MUC3A: variants seen among roughly 807,000 people sequenced by gnomAD.
MUC3A encodes mucin 3A, cell surface associated, also known as mucin-3A.
A neutral mutation model predicts 109.0 loss-of-function variants in MUC3A; 109 were observed. The observed-to-expected ratio is 1.00, with a 90% CI of 0.86 to 1.17. MUC3A has a LOEUF of 1.17. Ranked by LOEUF, MUC3A falls within the 50% of genes most tolerant of loss-of-function variation. The pLI is 0.00. For synonymous variants in MUC3A, 1,398 were observed against 981.4 expected (o/e 1.42, Z -7.93); for missense variants, 3,537 against 2,469.4 (o/e 1.43, Z -9.16).
intron 6 of MUC3A, 37 bp downstream of exon 6, chr7:100,964,880 G>A (rs1330007679): frequency 1.9e-6 from 3 of 1,572,986 alleles, no homozygotes; most frequent in East Asian, 2.3e-5. Context: ...AGGGCCTGAG[G>A]TGTCACCCCA....
intron 5 of MUC3A, 72 bp from the exon 6 acceptor site, chr7:100,964,623 C>A (rs1792458925): frequency 2.0e-6 from 3 of 1,535,818 alleles, no homozygotes; most frequent in Non-Finnish European, 2.6e-6. Flanking sequence ...CTTTGGGTTG[C>A]TTCTGGAGGT....
chr7:100,960,148 A>G lies in MUC3A; in HGVS notation c.8369A>G (p.Asp2790Gly). The G allele has an allele frequency of 6.4e-7, 1 of 1,557,550 alleles. No homozygotes were observed. The highest frequency in any genetic ancestry group is 8.6e-7 in the Non-Finnish European group (1 of 1,157,802). The change falls in exon 2 of 12, where the codon GAT becomes GGT. Residue 2790 changes from aspartate (D) to glycine (G), a missense_variant. Coordinates refer to ENST00000379458, the MANE Select transcript of MUC3A (RefSeq NM_005960.2). ...ASPTDPCVEM[D>G]PSTEATSPPT... Reference sequence around the variant, plus strand: ...CCCACTGATCCATGTGTTGAAATGGATCCCAGCACTGAAGCTACTTCTCCT... The same window carrying G: ...CCCACTGATCCATGTGTTGAAATGGGTCCCAGCACTGAAGCTACTTCTCCT...
In MUC3A at chr7:100,960,249, A is replaced by G. The variant is rs1489026965; in HGVS notation, c.8470A>G (p.Thr2824Ala). Residue 2824 changes from threonine (T) to alanine (A), a missense_variant, in exon 2 of 12, where the codon ACT becomes GCT. By Grantham distance (58) the Thr-to-Ala change is moderately conservative. Coordinates refer to ENST00000379458, the MANE Select transcript of MUC3A (RefSeq NM_005960.2). ...TCPTSISIQTTLTTYMDTSSM... is the reference protein window; with the variant it reads ...TCPTSISIQTALTTYMDTSSM... ...TCCTACCTCCATCAGTATCCAAACT[A>G]CTCTTACTACATATATGGACACTTC... is the stretch of plus-strand genomic sequence containing the variant. 6.3e-7 allele frequency: 1 copy of G among 1,598,376 alleles called. No individual in the cohort carries two copies. The highest frequency in any genetic ancestry group is 8.5e-7 in the Non-Finnish European group (1 of 1,179,790).
rs1246728171 is a variant in MUC3A, at chr7:100,953,550, G to A, written c.1771G>A (p.Ala591Thr). 2.5e-5 allele frequency: 11 copies of A among 440,512 alleles called. No individual in the cohort carries two copies. The East Asian group carries it at 3.8e-4, about 15-fold the overall frequency. 27.3% of individuals were successfully genotyped at this position (440,512 alleles called of 1,614,324 possible). A position where few individuals can be genotyped will look rare whatever the true frequency, so the allele number is the denominator to read the frequency against. ...AACTATGGAACCACCTTCAACCACT[G>A]CAGCAACTACAGGAACAGGTCAGAC... ...STTMEPPSTT[A>T]ATTGTGQTTF... Residue 591 changes from alanine (A) to threonine (T), a missense_variant, in exon 2 of 12, where the codon GCA becomes ACA. Transcript: ENST00000379458.
intron 1 of MUC3A, 25 bp from the exon 2 acceptor site, chr7:100,951,816 T>C (rs1791950891): frequency 6.3e-7 from 1 of 1,590,196 alleles, no homozygotes. Flanking sequence ...TACCAGTGGA[T>C]TCCTCTGCTC....
rs1584803244 is a variant in MUC3A, at chr7:100,958,187, C to T, written c.6408C>T (p.Asn2136=). 22 of 611,106 alleles carry T rather than the reference C, an allele frequency of 3.6e-5. No individual in the cohort carries two copies. The African/African-American group carries it at 3.7e-4, about 10-fold the overall frequency. The allele number at this position is 611,106 out of a possible 1,614,324, so 37.9% of individuals were successfully genotyped here. The change falls in exon 2 of 12, where the codon AAC becomes AAT. Residue 2136 remains asparagine, a synonymous_variant. Transcript: ENST00000379458. ...SFTSSITTTE[N]ATHSTPNFTS... Reference sequence around the variant, plus strand: ...CTTCTTCGATCACCACCACTGAGAACGCCACACACAGTACTCCCAACTTCA... The same window carrying T: ...CTTCTTCGATCACCACCACTGAGAATGCCACACACAGTACTCCCAACTTCA...
chr7:100,959,933 T>C lies in MUC3A; in HGVS notation c.8154T>C (p.Ser2718=). 1.3e-6 allele frequency: 2 copies of C among 1,512,536 alleles called. No homozygotes were observed. The highest frequency in any genetic ancestry group is 1.8e-6 in the Non-Finnish European group (2 of 1,141,646). 93.7% of individuals were successfully genotyped at this position (1,512,536 alleles called of 1,614,324 possible). A position where few individuals can be genotyped will look rare whatever the true frequency, so the allele number is the denominator to read the frequency against. Residue 2718 remains serine, a synonymous_variant, in exon 2 of 12, where the codon AGT becomes AGC. Transcript: ENST00000379458. ...HSVPSSPYIF[S]TENVGSASIT... The stretch of plus-strand genomic sequence containing the variant: ...TTCCTTCTTCACCATACATTTTCAG[T>C]ACAGAAAATGTGGGCTCCGCTTCTA...
chr7:100,966,576 C>A lies in MUC3A; in HGVS notation c.9785+17C>A. On this transcript the variant is annotated intron_variant, in intron 9 of 11. Coordinates refer to ENST00000379458, the MANE Select transcript of MUC3A (RefSeq NM_005960.2). ...CCGAGGCCGGTGAGCGTGCGGGGGG[C>A]GGGGCCGGGGGGCGAGGGCAGCCAA... 6.5e-7 allele frequency: 1 copy of A among 1,546,562 alleles called. No individual in the cohort carries two copies. The highest frequency in any genetic ancestry group is 1.2e-5 in the South Asian group (1 of 84,124).
Position 100,958,931 on chromosome 7 carries a change from C to T in MUC3A, c.7152C>T (p.Thr2384=). ...GTTCTTCAATCACCACCACTGAGAC[C>T]CCCTTACACAGTACTCCTGGCCTCA... ...SFSSSITTTE[T]PLHSTPGLTS... The change falls in exon 2 of 12, where the codon ACC becomes ACT. Residue 2384 remains threonine, a synonymous_variant. Transcript: ENST00000379458. 2 of 1,482,558 alleles carry T rather than the reference C, an allele frequency of 1.3e-6. No individual in the cohort carries two copies. The highest frequency in any genetic ancestry group is 1.8e-6 in the Non-Finnish European group (2 of 1,120,024). 91.8% of individuals were successfully genotyped at this position (1,482,558 alleles called of 1,614,324 possible).
chr7:100,966,167 G>T, intron 8 of MUC3A: 1 of 505,906 alleles, frequency 2.0e-6, no homozygotes, highest in Non-Finnish European at 3.0e-6. Context: ...CTAGGGTGGA[G>T]CCCTGCCCAC....
At position 100,966,456 on chromosome 7, in the gene MUC3A, G is replaced by A. The variant is rs1312229109; in HGVS notation, c.9682G>A (p.Val3228Ile). ...CEVAVHWRAL[V>I]GGLTAGAALL... The stretch of plus-strand genomic sequence containing the variant: ...GGTGGCCGTCCACTGGAGGGCGCTG[G>A]TCGGGGGCCTGACGGCCGGCGCCGC... Residue 3228 changes from valine (V) to isoleucine (I), a missense_variant, in exon 9 of 12, where the codon GTC (valine) becomes ATC (isoleucine). Physicochemically the swap from Val to Ile is conservative, Grantham distance 29. Coordinates refer to ENST00000379458, the MANE Select transcript of MUC3A (RefSeq NM_005960.2). 6 of 1,345,808 alleles carry A rather than the reference G, an allele frequency of 4.5e-6. No homozygotes were observed. The highest frequency in any genetic ancestry group is 2.5e-5 in the South Asian group (1 of 39,620). 83.4% of individuals were successfully genotyped at this position (1,345,808 alleles called of 1,614,324 possible). A position where few individuals can be genotyped will look rare whatever the true frequency, so the allele number is the denominator to read the frequency against.
intron 3 of MUC3A, 119 bp downstream of exon 3, chr7:100,961,056 C>G: frequency 6.4e-7 from 1 of 1,552,882 alleles, no homozygotes; most frequent in Non-Finnish European, 8.6e-7. Context: ...GTCCTTCCCT[C>G]CCTGCCATCT....
At position 100,964,784 on chromosome 7, in the gene MUC3A, C is replaced by A; in HGVS notation, c.9323C>A (p.Thr3108Lys). The change falls in exon 6 of 12, where the codon ACG (threonine) becomes AAG (lysine). Residue 3108 changes from threonine to lysine, a missense_variant. Transcript: ENST00000379458. ...AGCGAGTATGAGCAGGTGAAGACCACGCTGAAGGAGGGGCTGCAGAACGCC... is the reference window on the plus strand; with the variant it reads ...AGCGAGTATGAGCAGGTGAAGACCAAGCTGAAGGAGGGGCTGCAGAACGCC... ...LESEYEQVKT[T>K]LKEGLQNASQ... is the part of the protein sequence containing the mutation. 6.3e-7 allele frequency: 1 copy of A among 1,598,452 alleles called. No individual in the cohort carries two copies. Among genetic ancestry groups the A allele is most frequent in the Non-Finnish European group, 8.5e-7 (1 of 1,179,750 alleles).
intron 3 of MUC3A, 185 bp downstream of exon 3, chr7:100,961,122 G>A (rs1235990008): frequency 3.7e-4 from 358 of 972,712 alleles, no homozygotes; most frequent in Non-Finnish European, 4.2e-4. Flanking sequence ...ACCCTTAGGA[G>A]GTGGCTGGGA....
Position 100,956,475 on chromosome 7 carries a change from A to T in MUC3A, c.4696A>T (p.Thr1566Ser), listed in dbSNP as rs1792099428. 5 of 590,064 alleles carry T rather than the reference A, an allele frequency of 8.5e-6. No homozygotes were observed. In the South Asian group the frequency reaches 9.7e-5, roughly 11 times the overall value. 36.6% of individuals were successfully genotyped at this position (590,064 alleles called of 1,614,324 possible). The change falls in exon 2 of 12, where the codon ACT becomes TCT. Residue 1566 changes from threonine (T) to serine (S), a missense_variant. Transcript: ENST00000379458. ...MVTSTSMIPSTVSTGIPTSQP... is the reference protein window; with the variant it reads ...MVTSTSMIPSSVSTGIPTSQP... ...GACTTCTACATCCATGATCCCATCT[A>T]CTGTGAGTACAGGTATCCCTACCTC... is the stretch of plus-strand genomic sequence containing the variant.
In MUC3A at chr7:100,959,373, A is replaced by T. The variant is rs28515787; in HGVS notation, c.7594A>T (p.Ile2532Phe). The T allele has an allele frequency of 8.5e-6, 13 of 1,537,922 alleles. No individual in the cohort carries two copies. In the Admixed American group the frequency reaches 1.4e-4, roughly 16 times the overall value. ...ACACATCATTTCATCTTCTCCCTCC[A>T]TCCAAAGTACAGAAACCTCATCCCT... ...RTHIISSSPSIQSTETSSLVG... is the reference protein window; with the variant it reads ...RTHIISSSPSFQSTETSSLVG... The change falls in exon 2 of 12, where the codon ATC (isoleucine) becomes TTC (phenylalanine). Residue 2532 changes from isoleucine (I) to phenylalanine (F), a missense_variant. Physicochemically the swap from Ile to Phe is conservative, Grantham distance 21 (BLOSUM62 0). Transcript: ENST00000379458.
intron 3 of MUC3A, among the ~76,000 whole-genome samples, chr7:100,961,665 T>TAAACACAAAAA (rs1792331304): frequency 6.7e-6 from 1 of 148,662 alleles, no homozygotes; most frequent in African/African-American, 2.5e-5. Flanking sequence ...GTCTCTACTA[T>TAAACACAAAAA]TAGTTGGGCA....
chr7:100,964,807 G>C lies in MUC3A; in HGVS notation c.9346G>C (p.Ala3116Pro), dbSNP rs369096420. ...CACGCTGAAGGAGGGGCTGCAGAACGCCAGCCAGGATGTGAACAGCTGCCA... is the reference window on the plus strand; with the variant it reads ...CACGCTGAAGGAGGGGCTGCAGAACCCCAGCCAGGATGTGAACAGCTGCCA... ...KTTLKEGLQN[A>P]SQDVNSCQDS... is the part of the protein sequence containing the mutation. Residue 3116 changes from alanine to proline, a missense_variant, in exon 6 of 12, where the codon GCC (alanine) becomes CCC (proline). By Grantham distance (27) the Ala-to-Pro change is conservative. Coordinates refer to ENST00000379458, the MANE Select transcript of MUC3A (RefSeq NM_005960.2). 2 of 1,598,218 alleles carry C rather than the reference G, an allele frequency of 1.3e-6. No homozygotes were observed. The highest frequency in any genetic ancestry group is 1.7e-5 in the Admixed American group (1 of 60,022).
Position 100,965,341 on chromosome 7 carries a change from C to A in MUC3A, c.9442C>A (p.Pro3148Thr), listed in dbSNP as rs778965730. ...VNNNSKTELT[P>T]AAICRRAAPT... Reference sequence around the variant, plus strand: ...CAACAACAGCAAGACAGAGCTGACCCCGGCAGGTAAGGGTGGGGTAAAGGG... The same window carrying A: ...CAACAACAGCAAGACAGAGCTGACCACGGCAGGTAAGGGTGGGGTAAAGGG... The change falls in exon 7 of 12, where the codon CCG (proline) becomes ACG (threonine). Residue 3148 changes from proline to threonine, a missense_variant. Transcript: ENST00000379458. 1.5e-5 allele frequency: 24 copies of A among 1,598,636 alleles called. No individual in the cohort carries two copies. The South Asian group carries it at 2.2e-4, about 15-fold the overall frequency.
Sources: allele counts gnomAD v4.1 joint callset (sites outside exome capture counted in the v4.1 genomes callset), GRCh38; gene constraint gnomAD v4.1.1; transcripts MANE v1.5; gene names NCBI Gene and HGNC (gene_info 2026-07-23, HGNC 2026-07-21).